Variants in POU2F1 observed in about 807,000 individuals in gnomAD.
The protein encoded by POU2F1 is POU domain, class 2, transcription factor 1.
A neutral mutation model predicts 84.9 loss-of-function variants in POU2F1; 16 were observed. The observed-to-expected ratio is 0.19, with a 90% CI of 0.13 to 0.29. The LOEUF is 0.29. Among genes scored for constraint, POU2F1 ranks in the 10% least tolerant of loss-of-function variants. The pLI, the probability that POU2F1 is intolerant of heterozygous loss-of-function variation, is 1.00. For missense variants in POU2F1, 738 were observed against 942.6 expected, an observed-to-expected ratio of 0.78 and a Z score of 2.84; for synonymous variants, 368 against 368.3, an observed-to-expected ratio of 1.00 and a Z score of 0.01.
In POU2F1 at chr1:167,374,207, C is replaced by G. The variant is rs1428271591; in HGVS notation, c.502C>G (p.Gln168Glu). The part of the protein sequence containing the change: ...AAVQQHSASQ[Q>E]HSAAGATISA... ...AGTGCAGCAGCACTCCGCCAGCCAGCAGCACAGTGCTGCTGGAGCCACCAT... is the reference window on the plus strand; with the variant it reads ...AGTGCAGCAGCACTCCGCCAGCCAGGAGCACAGTGCTGCTGGAGCCACCAT... Residue 168 changes from glutamine (Q) to glutamate (E), a missense_variant, in exon 6 of 16, where the codon CAG (glutamine) becomes GAG (glutamate). Transcript: ENST00000367866. The G allele has an allele frequency of 6.2e-7, 1 of 1,613,832 alleles. No individual in the cohort carries two copies. Among genetic ancestry groups the G allele is most frequent in the Non-Finnish European group, 8.5e-7 (1 of 1,179,902 alleles).
chr1:167,300,525 C>T (rs1235973849), intron 1 of POU2F1, among the ~76,000 whole-genome samples: 2 of 152,020 alleles, frequency 1.3e-5, no homozygotes, highest in East Asian at 1.9e-4. Flanking sequence ...AGTGTAGTGG[C>T]GCGATCTCAG....
At chr1:167,248,007 G>C (rs1029834486) in intron 1 of POU2F1, among the ~76,000 whole-genome samples, 4 of 152,194 alleles carry the variant, frequency 2.6e-5, no homozygotes, top group African/African-American at 9.6e-5. Context: ...GTGAAAAGAG[G>C]TGTGTAGTTG....
chr1:167,221,104 C>G (rs1648092014), intron 1 of POU2F1, 146 bp downstream of exon 1: 1 of 793,724 alleles, frequency 1.3e-6, no homozygotes, highest in South Asian at 1.7e-5. Context: ...CATTGAGCCC[C>G]CGCCGGGCGC....
At chr1:167,356,167 T>C (rs886820364) in intron 2 of POU2F1, among the ~76,000 whole-genome samples, 4 of 148,728 alleles carry the variant, frequency 2.7e-5, no homozygotes, top group Non-Finnish European at 3.0e-5. Context: ...CTTTTTCTTT[T>C]TTTTTTTTTT....
At position 167,415,895 on chromosome 1, in the gene POU2F1, G is replaced by T; in HGVS notation, c.*85G>T. 5.2e-6 allele frequency: 6 copies of T among 1,157,000 alleles called. No individual in the cohort carries two copies. The highest frequency in any genetic ancestry group is 7.0e-6 in the Non-Finnish European group (6 of 855,940). 71.7% of individuals were successfully genotyped at this position (1,157,000 alleles called of 1,614,324 possible). A position where few individuals can be genotyped will look rare whatever the true frequency, so the allele number is the denominator to read the frequency against. The stretch of plus-strand genomic sequence containing the variant: ...GCCAGGTTAATAAACTGAAAAATGT[G>T]ATTGGCTTCCTCTCGCCGTGTTGTG... On this transcript the variant is annotated 3_prime_UTR_variant, in exon 16 of 16. Transcript: ENST00000367866.
intron 1 of POU2F1, among the ~76,000 whole-genome samples, chr1:167,257,500 T>C (rs1309577928): frequency 6.6e-6 from 1 of 152,198 alleles, no homozygotes; most frequent in African/African-American, 2.4e-5. Context: ...TGGAACCGTA[T>C]AGGGCTGAAC....
chr1:167,246,457 T>G (rs1650327133), intron 1 of POU2F1, among the ~76,000 whole-genome samples: 2 of 152,234 alleles, frequency 1.3e-5, no homozygotes, highest in Non-Finnish European at 2.9e-5. Flanking sequence ...GTGTTTTACT[T>G]TTCTCTTTAG....
At chr1:167,401,326 T>G (rs572200076) in intron 12 of POU2F1, 125 bp from the exon 13 acceptor site, 1 of 581,372 alleles carries the variant, frequency 1.7e-6, no homozygotes, top group South Asian at 2.4e-5. Context: ...CATCTTCGAA[T>G]AGCAGCTTTC....
chr1:167,411,886 T>C (rs1649988884), intron 13 of POU2F1, 73 bp from the exon 14 acceptor site: 2 of 1,363,700 alleles, frequency 1.5e-6, no homozygotes, highest in African/African-American at 2.9e-5. Context: ...ATTATAGAGT[T>C]TGGCTGAGTA....
chr1:167,340,890 G>A (rs755213340), intron 2 of POU2F1, among the ~76,000 whole-genome samples: 23 of 152,214 alleles, frequency 1.5e-4, no homozygotes, highest in Non-Finnish European at 2.9e-4. Flanking sequence ...AAGTATATGT[G>A]AACCCATGAG....
At chr1:167,412,896 GTAAAGAAAAA>G in intron 14 of POU2F1, 120 bp from the exon 15 acceptor site, 1 of 700,638 alleles carries the variant, frequency 1.4e-6, no homozygotes, top group Non-Finnish European at 2.4e-6. Context: ...CCATAGAAGA[GTAAAGAAAAA>G]TAAATATTTC....
intron 1 of POU2F1, 123 bp downstream of exon 1, chr1:167,221,081 G>C (rs1288604789): frequency 2.1e-6 from 2 of 943,048 alleles, no homozygotes; most frequent in Non-Finnish European, 3.2e-6. Flanking sequence ...CGGGGAGATG[G>C]GGGGCCGGGG....
chr1:167,371,074 G>A (rs138929927), intron 4 of POU2F1, among the ~76,000 whole-genome samples: 1 of 152,164 alleles, frequency 6.6e-6, no homozygotes, highest in Admixed American at 6.5e-5. Context: ...TATGGACCTA[G>A]TAACACGTAG....
At chr1:167,384,328 G>A (rs958005264) in intron 8 of POU2F1, among the ~76,000 whole-genome samples, 1 of 152,006 alleles carries the variant, frequency 6.6e-6, no homozygotes, top group Non-Finnish European at 1.5e-5. Context: ...AAGAGATTTT[G>A]ATCTCTATAT....
intron 1 of POU2F1, among the ~76,000 whole-genome samples, chr1:167,254,583 T>C (rs1024930297): frequency 6.6e-6 from 1 of 152,234 alleles, no homozygotes; most frequent in African/African-American, 2.4e-5. Flanking sequence ...TTGTTAACAA[T>C]CAGCAAGTAC....
chr1:167,221,014 G>T, intron 1 of POU2F1, 56 bp downstream of exon 1: 1 of 1,319,132 alleles, frequency 7.6e-7, no homozygotes, highest in Non-Finnish European at 1.0e-6. Context: ...GGCTCCCGCT[G>T]CCCCCCCCCG....
intron 13 of POU2F1, among the ~76,000 whole-genome samples, chr1:167,406,275 A>G (rs1008082782): frequency 6.6e-5 from 10 of 152,248 alleles, no homozygotes; most frequent in African/African-American, 1.9e-4. Flanking sequence ...AGAAAGGACA[A>G]AAACCACATA....
chr1:167,307,234 T>G (rs145990594), intron 1 of POU2F1, among the ~76,000 whole-genome samples: 1 of 152,348 alleles, frequency 6.6e-6, no homozygotes, highest in African/African-American at 2.4e-5. Context: ...TGCTTAGATC[T>G]GGCTTTATGT....
At chr1:167,250,116 C>T (rs183654362) in intron 1 of POU2F1, among the ~76,000 whole-genome samples, 44 of 151,750 alleles carry the variant, frequency 2.9e-4, no homozygotes, top group African/African-American at 1.0e-3. Flanking sequence ...TAACATAACA[C>T]TTAACATTAG....
Sources: allele counts gnomAD v4.1 joint callset (sites outside exome capture counted in the v4.1 genomes callset), GRCh38; gene constraint gnomAD v4.1.1; transcripts MANE v1.5; gene names NCBI Gene and HGNC (gene_info 2026-07-23, HGNC 2026-07-21).